NELFCD: variants seen among roughly 807,000 people sequenced by gnomAD.
NELFCD encodes negative elongation factor complex member C/D, also known as negative elongation factor C/D.
Under a neutral mutation model 72.9 loss-of-function variants are expected in NELFCD, and 48 were observed. That is an observed-to-expected ratio of 0.66 (90% CI 0.52 to 0.84). NELFCD has a LOEUF of 0.84. Among genes scored for constraint, NELFCD ranks in the 40% least tolerant of loss-of-function variants. The pLI, the probability that NELFCD is intolerant of heterozygous loss-of-function variation, is 0.00. For synonymous variants in NELFCD, 297 were observed against 280.6 expected (o/e 1.06, Z -0.59); for missense variants, 538 against 723.8 (o/e 0.74, Z 2.94).
At chr20:58,992,127 TTTTATTTATTTTTTCATTTTTAA>T (rs2091822217) in intron 10 of NELFCD, 107 bp downstream of exon 10, 1 of 1,185,148 alleles carries the variant, frequency 8.4e-7, no homozygotes, top group Admixed American at 2.5e-5. Flanking sequence ...TACTTGTTCA[TTTTATTTATTTTTTCATTTTTAA>T]ACAGTATGTA....
Position 58,986,191 on chromosome 20 carries a change from C to A in NELFCD, c.159C>A (p.Ile53=). 1 of 1,609,302 alleles carries A rather than the reference C, an allele frequency of 6.2e-7. No homozygotes were observed. Among genetic ancestry groups the A allele is most frequent in the South Asian group, 1.1e-5 (1 of 90,970 alleles). ...GGGATTATATCATGGAACCCTCCATCTTCAACACTCTGAAGAGGTATGTGA... is the reference window on the plus strand; with the variant it reads ...GGGATTATATCATGGAACCCTCCATATTCAACACTCTGAAGAGGTATGTGA... The part of the protein sequence containing the change: ...STRDYIMEPS[I]FNTLKRYFQA... The change falls in exon 2 of 15, where the codon ATC becomes ATA. Residue 53 remains isoleucine (I), a synonymous_variant. Transcript: ENST00000652272. This position sits in a 1 kb window ranked among gnomAD's most constrained non-coding sequence, Gnocchi z 4.4.
chr20:58,989,307 T>C (rs933456322), intron 5 of NELFCD, 181 bp from the exon 6 acceptor site: 12 of 717,112 alleles, frequency 1.7e-5, no homozygotes, highest in Non-Finnish European at 2.4e-5. Context: ...GAAGAAACGA[T>C]GGAGAGGTGG....
rs1004369919 is a variant in NELFCD, at chr20:58,987,996, G to A, written c.396+179G>A. The A allele has an allele frequency of 2.9e-5, 17 of 596,216 alleles. No homozygotes were observed. In the African/African-American group the frequency reaches 3.2e-4, roughly 11 times the overall value. 36.9% of individuals were successfully genotyped at this position (596,216 alleles called of 1,614,324 possible). A position where few individuals can be genotyped will look rare whatever the true frequency, so the allele number is the denominator to read the frequency against. On this transcript the variant is annotated intron_variant, in intron 4 of 14. Transcript: ENST00000652272. ...CTTTAAACTCTGTACCCAGGGTCGT[G>A]ACATGCTTGCACGCAAGAGGCACAC... is the stretch of plus-strand genomic sequence containing the variant.
chr20:58,985,093 T>C (rs1360055253), intron 1 of NELFCD, among the ~76,000 whole-genome samples: 2 of 152,216 alleles, frequency 1.3e-5, no homozygotes, highest in Admixed American at 1.3e-4. Flanking sequence ...CCTGTCTCTG[T>C]CTTAACTACT....
At position 58,986,005 on chromosome 20, in the gene NELFCD, A is replaced by G. The variant is rs969487111; in HGVS notation, c.61-88A>G. On this transcript the variant is annotated intron_variant, in intron 1 of 14. Transcript: ENST00000652272. This position sits in a 1 kb window ranked among gnomAD's most constrained non-coding sequence, Gnocchi z 4.4. ...GAAATAATGTGTGTAGAATACTTTC[A>G]AAATGGGCAGCATTATACGATTTAA... 4.2e-5 allele frequency: 37 copies of G among 884,110 alleles called. No homozygotes were observed. The East Asian group carries it at 7.7e-4, about 18-fold the overall frequency. The allele number at this position is 884,110 out of a possible 1,614,324, so 54.8% of individuals were successfully genotyped here.
intron 3 of NELFCD, chr20:58,987,156 CA>C: frequency 2.9e-6 from 1 of 346,096 alleles, no homozygotes; most frequent in Non-Finnish European, 5.2e-6. Flanking sequence ...AGTGTGTGTT[CA>C]GTGTGTCATT....
chr20:58,989,359 G>A (rs1229427447), intron 5 of NELFCD, 129 bp from the exon 6 acceptor site: 17 of 1,041,830 alleles, frequency 1.6e-5, no homozygotes, highest in South Asian at 1.0e-4. Flanking sequence ...GGGTGAGGGC[G>A]GAGTGAAGGC....
chr20:58,991,579 C>G (rs1331155349), intron 9 of NELFCD, 133 bp downstream of exon 9: 2 of 1,101,874 alleles, frequency 1.8e-6, no homozygotes, highest in Admixed American at 4.8e-5. Flanking sequence ...TCTTGTGTTT[C>G]TGCGTAGAGA....
At chr20:58,981,906 G>A (rs2091736338) in intron 1 of NELFCD, among the ~76,000 whole-genome samples, 1 of 152,212 alleles carries the variant, frequency 6.6e-6, no homozygotes, top group African/African-American at 2.4e-5. Context: ...CAAACTGATG[G>A]AAAGGATTTT....
chr20:58,991,226 C>T (rs1182369039), intron 8 of NELFCD, 86 bp from the exon 9 acceptor site: 2 of 1,588,926 alleles, frequency 1.3e-6, no homozygotes, highest in Non-Finnish European at 1.7e-6. Context: ...CTGTTGGGCC[C>T]CTGCTGTGTA....
chr20:58,993,168 C>T lies in NELFCD; in HGVS notation c.1344+56C>T, dbSNP rs767033397. ...CACAGTGTCTGTCTCATGCTGTTTA[C>T]GTTGGCATTAACATTGCATCTATTC... On this transcript the variant is annotated intron_variant, in intron 11 of 14. Transcript: ENST00000652272. This position sits in a 1 kb window ranked among gnomAD's most constrained non-coding sequence, Gnocchi z 5.0. 60 of 1,294,298 alleles carry T rather than the reference C, an allele frequency of 4.6e-5. No individual in the cohort carries two copies. Among genetic ancestry groups the T allele is most frequent in the Non-Finnish European group, 6.4e-5 (57 of 889,266 alleles). 80.2% of individuals were successfully genotyped at this position (1,294,298 alleles called of 1,614,324 possible).
intron 5 of NELFCD, 172 bp from the exon 6 acceptor site, chr20:58,989,316 G>A (rs1358366994): frequency 8.0e-6 from 6 of 753,296 alleles, no homozygotes; most frequent in Non-Finnish European, 1.3e-5. Context: ...ATGGAGAGGT[G>A]GTCAGCCCAG....
Position 58,991,370 on chromosome 20 carries a change from G to C in NELFCD, c.1013G>C (p.Arg338Pro). The C allele has an allele frequency of 6.2e-7, 1 of 1,614,162 alleles. No homozygotes were observed. The highest frequency in any genetic ancestry group is 8.5e-7 in the Non-Finnish European group (1 of 1,180,036). ...CAGTCACTCTTTAAACCAGGGGCTC[G>C]GATCAACCAGGACCACAAGCACAAA... ...FMQSLFKPGA[R>P]INQDHKHKYI... is the part of the protein sequence containing the mutation. Residue 338 changes from arginine (R) to proline (P), a missense_variant, in exon 9 of 15, where the codon CGG (arginine) becomes CCG (proline). By Grantham distance (103) the Arg-to-Pro change is moderately radical. Transcript: ENST00000652272.
At chr20:58,983,587 G>A (rs986826836) in intron 1 of NELFCD, among the ~76,000 whole-genome samples, 2 of 151,806 alleles carry the variant, frequency 1.3e-5, no homozygotes, top group African/African-American at 4.8e-5. Flanking sequence ...CACCACACCC[G>A]GCTAATTTTT....
At chr20:58,982,310 CCA>C (rs1183106135) in intron 1 of NELFCD, among the ~76,000 whole-genome samples, 1 of 151,956 alleles carries the variant, frequency 6.6e-6, no homozygotes, top group Non-Finnish European at 1.5e-5. Flanking sequence ...GCACCCACCA[CCA>C]TGCCCAGCTA....
chr20:58,989,253 G>C, intron 5 of NELFCD: 1 of 624,930 alleles, frequency 1.6e-6, no homozygotes, highest in Admixed American at 2.9e-5. Context: ...CTTGTGGTTG[G>C]AGAGGAGCTT....
intron 4 of NELFCD, 154 bp downstream of exon 4, chr20:58,987,971 C>A: frequency 1.6e-6 from 1 of 630,468 alleles, no homozygotes; most frequent in Non-Finnish European, 2.8e-6. Flanking sequence ...CAGAATTGCC[C>A]TTTAAACTCT....
At position 58,991,605 on chromosome 20, in the gene NELFCD, C is replaced by T. The variant is rs2091817816; in HGVS notation, c.1089+159C>T. On this transcript the variant is annotated intron_variant, in intron 9 of 14. Coordinates refer to ENST00000652272, the MANE Select transcript of NELFCD (RefSeq NM_198976.4). ...TGCGTAGAGAAAGCACTAAACGTCTCCAGAAAATGTGCGTAATGTCTCCAA... is the reference window on the plus strand; with the variant it reads ...TGCGTAGAGAAAGCACTAAACGTCTTCAGAAAATGTGCGTAATGTCTCCAA... 4 of 847,898 alleles carry T rather than the reference C, an allele frequency of 4.7e-6. No individual in the cohort carries two copies. The Admixed American group carries it at 1.1e-4, about 23-fold the overall frequency. The allele number at this position is 847,898 out of a possible 1,614,324, so 52.5% of individuals were successfully genotyped here. A position where few individuals can be genotyped will look rare whatever the true frequency, so the allele number is the denominator to read the frequency against.
chr20:58,982,489 T>C (rs76168789), intron 1 of NELFCD, among the ~76,000 whole-genome samples: 17,259 of 152,070 alleles, frequency 0.11, 1,104 homozygotes, highest in Admixed American at 0.18. Flanking sequence ...ACAATCAAGA[T>C]TGGGGATGTC....
Sources: gnomAD v4.1 joint callset for allele counts (sites outside exome capture counted in the v4.1 genomes callset) on GRCh38, gnomAD v4.1.1 for gene constraint, Gnocchi (gnomAD v3.1) non-coding constraint, MANE v1.5 for transcripts, NCBI Gene and HGNC (gene_info 2026-07-23, HGNC 2026-07-21) for gene names.